Variants in ATF6 observed in about 807,000 individuals in gnomAD.
ATF6 encodes the protein cyclic AMP-dependent transcription factor ATF-6 alpha.
A neutral mutation model predicts 83.6 loss-of-function variants in ATF6; 53 were observed. The ratio of observed to expected loss-of-function variants is 0.63; its 90% CI spans 0.51 to 0.80. The LOEUF (loss-of-function observed/expected upper bound fraction) is 0.80. Ranked by LOEUF, ATF6 falls within the 30% of genes least tolerant of loss-of-function variation. ATF6 has a pLI of 0.00. For synonymous variants in ATF6, 288 were observed against 285.8 expected, an observed-to-expected ratio of 1.01 and a Z score of -0.08; for missense variants, 744 against 797.9, an observed-to-expected ratio of 0.93 and a Z score of 0.81.
At chr1:161,920,618 T>A (rs778986317) in intron 15 of ATF6, among the ~76,000 whole-genome samples, 28 of 151,582 alleles carry the variant, frequency 1.8e-4, no homozygotes, top group Non-Finnish European at 3.2e-4. Context: ...GTTTGTTTTA[T>A]TATATTGAGA....
At chr1:161,937,594 C>T (rs918997117) in intron 15 of ATF6, among the ~76,000 whole-genome samples, 5 of 151,932 alleles carry the variant, frequency 3.3e-5, no homozygotes, top group African/African-American at 4.8e-5. Context: ...TTTGCAGGGA[C>T]GTGGATGAAG....
chr1:161,797,177 A>C (rs1457799209), intron 6 of ATF6, among the ~76,000 whole-genome samples: 1 of 152,226 alleles, frequency 6.6e-6, no homozygotes, highest in Non-Finnish European at 1.5e-5. Flanking sequence ...CCTCAAAATA[A>C]TAAGAACCAT....
intron 14 of ATF6, among the ~76,000 whole-genome samples, chr1:161,863,781 T>C (rs1352141285): frequency 6.6e-6 from 1 of 152,232 alleles, no homozygotes; most frequent in Non-Finnish European, 1.5e-5. Context: ...TCTATTCCTC[T>C]TTTATCTCTT....
chr1:161,940,151 T>A (rs1249670141), intron 15 of ATF6, among the ~76,000 whole-genome samples: 1 of 152,218 alleles, frequency 6.6e-6, no homozygotes, highest in Non-Finnish European at 1.5e-5. Context: ...CAGTCTTGAT[T>A]CCTTGCCTTC....
chr1:161,885,299 T>C (rs1401871332), intron 14 of ATF6, among the ~76,000 whole-genome samples: 1 of 152,160 alleles, frequency 6.6e-6, no homozygotes, highest in African/African-American at 2.4e-5. Flanking sequence ...CATCACCCCA[T>C]TCCTTGTGTG....
chr1:161,811,727 T>TCCATCCACCCAC (rs1288461693), intron 7 of ATF6, among the ~76,000 whole-genome samples: 2 of 150,898 alleles, frequency 1.3e-5, no homozygotes, highest in African/African-American at 2.4e-5. Flanking sequence ...TATCCATCCA[T>TCCATCCACCCAC]CCATCCACCC....
intron 14 of ATF6, among the ~76,000 whole-genome samples, chr1:161,899,131 A>C (rs1687733183): frequency 6.6e-6 from 1 of 152,238 alleles, no homozygotes; most frequent in Non-Finnish European, 1.5e-5. Flanking sequence ...TCAGAATTAA[A>C]CAAAGGCCAA....
At chr1:161,901,968 A>G (rs1687795281) in intron 14 of ATF6, among the ~76,000 whole-genome samples, 1 of 152,170 alleles carries the variant, frequency 6.6e-6, no homozygotes, top group Admixed American at 6.5e-5. Flanking sequence ...TTCATTATAC[A>G]ATGTCAAAAA....
chr1:161,879,595 A>C (rs2340721), intron 14 of ATF6, among the ~76,000 whole-genome samples: 74,910 of 151,900 alleles, frequency 0.49, 22,497 homozygotes, highest in Middle Eastern at 0.66. Context: ...GAGACCTAAC[A>C]GCTAAGCTAA....
intron 14 of ATF6, among the ~76,000 whole-genome samples, chr1:161,869,148 G>A (rs550638762): frequency 6.6e-6 from 1 of 152,076 alleles, no homozygotes; most frequent in East Asian, 1.9e-4. Flanking sequence ...CCACGGATGG[G>A]CATAAAAACG....
intron 15 of ATF6, among the ~76,000 whole-genome samples, chr1:161,956,094 T>C (rs559958394): frequency 1.3e-5 from 2 of 152,308 alleles, no homozygotes; most frequent in African/African-American, 4.8e-5. Context: ...CAGTTATCAG[T>C]TTAAACCATA....
intron 7 of ATF6, among the ~76,000 whole-genome samples, chr1:161,812,337 T>TGAAAATGG (rs1685489136): frequency 6.8e-6 from 1 of 147,152 alleles, no homozygotes; most frequent in African/African-American, 2.5e-5. Flanking sequence ...ACTTAAAATC[T>TGAAAATGG]GAAAATGGGA....
chr1:161,894,876 A>G (rs1300679341), intron 14 of ATF6, among the ~76,000 whole-genome samples: 2 of 151,786 alleles, frequency 1.3e-5, no homozygotes, highest in Middle Eastern at 3.4e-3. Context: ...TGAGGTTTAC[A>G]TATTTATATA....
intron 15 of ATF6, among the ~76,000 whole-genome samples, chr1:161,932,653 C>G (rs984397260): frequency 2.0e-5 from 3 of 152,140 alleles, no homozygotes; most frequent in Non-Finnish European, 4.4e-5. Context: ...AAATTACCCC[C>G]AAAACTTTAA....
In ATF6 at chr1:161,791,476, T is replaced by C. The variant is rs369744152; in HGVS notation, c.423T>C (p.Ser141=). ...CCTTATATGGTGAAAACTCTAATAG[T>C]CTCTCTTCAGCGGAGCCACTGAAGG... ...PLSLYGENSN[S]LSSAEPLKED... Residue 141 remains serine (S), a synonymous_variant, in exon 5 of 16, where the codon AGT becomes AGC. Transcript: ENST00000367942. 2.5e-5 allele frequency: 41 copies of C among 1,612,850 alleles called. No individual in the cohort carries two copies. The African/African-American group carries it at 4.8e-4, about 19-fold the overall frequency.
intron 7 of ATF6, among the ~76,000 whole-genome samples, chr1:161,804,591 CA>C (rs1685233040): frequency 6.6e-6 from 1 of 151,760 alleles, no homozygotes; most frequent in Non-Finnish European, 1.5e-5. Flanking sequence ...GGAACAGGTG[CA>C]GGAAAAATAT....
In ATF6 at chr1:161,958,878, TG is replaced by T. The variant is rs549605980; in HGVS notation, c.*226del. The T allele has an allele frequency of 1.1e-3, 477 of 452,248 alleles. 3 individuals are homozygous for T. Among genetic ancestry groups the T allele is most frequent in the African/African-American group, 8.4e-3 (428 of 50,818 alleles). 28.0% of individuals were successfully genotyped at this position (452,248 alleles called of 1,614,324 possible). A position where few individuals can be genotyped will look rare whatever the true frequency, so the allele number is the denominator to read the frequency against. On this transcript the variant is annotated 3_prime_UTR_variant, in exon 16 of 16. Coordinates refer to ENST00000367942, the MANE Select transcript of ATF6 (RefSeq NM_007348.4). Reference sequence around the variant, plus strand: ...ATGCAAGAGAACAATGTTTCTTCAGTGGCAAATGTAGCCCTGCATCCTCCAG... The same window carrying T: ...ATGCAAGAGAACAATGTTTCTTCAGTGCAAATGTAGCCCTGCATCCTCCAG...
In ATF6 at chr1:161,884,784, A is replaced by G. The variant is rs551344090; in HGVS notation, c.1719+21472A>G. ...TTTAAGTGTTGAAAAGCAAAATCAG[A>G]GTAAGAAGGCAGGTAGTCATTTTAA... On this transcript the variant is annotated intron_variant, in intron 14 of 15. Coordinates refer to ENST00000367942, the MANE Select transcript of ATF6 (RefSeq NM_007348.4). Among the ~76,000 whole-genome samples the G allele has an allele frequency of 8.6e-4, 131 of 152,292 alleles. 1 individual carries two copies. The highest frequency in any genetic ancestry group is 1.6e-3 in the Non-Finnish European group (111 of 67,996).
intron 9 of ATF6, among the ~76,000 whole-genome samples, chr1:161,829,051 G>C (rs188961614): frequency 6.6e-6 from 1 of 152,052 alleles, no homozygotes; most frequent in African/African-American, 2.4e-5. Context: ...ATTACATAAT[G>C]GTAAGGGGAT....
Sources: gnomAD v4.1 joint callset for allele counts (sites outside exome capture counted in the v4.1 genomes callset) on GRCh38, gnomAD v4.1.1 for gene constraint, MANE v1.5 for transcripts, NCBI Gene and HGNC (gene_info 2026-07-23, HGNC 2026-07-21) for gene names.